Variants in PDSS2 observed in about 807,000 individuals in gnomAD.
PDSS2 encodes all trans-polyprenyl-diphosphate synthase PDSS2.
Under a neutral mutation model 44.5 loss-of-function variants are expected in PDSS2, and 31 were observed. The ratio of observed to expected loss-of-function variants is 0.70; its 90% CI spans 0.52 to 0.94. The LOEUF (loss-of-function observed/expected upper bound fraction) is 0.94. Ranked by LOEUF, PDSS2 falls within the 40% of genes least tolerant of loss-of-function variation. PDSS2 has a pLI of 0.00. For synonymous variants in PDSS2, 157 were observed against 180.3 expected, an observed-to-expected ratio of 0.87 and a Z score of 1.03; for missense variants, 452 against 482.2, an observed-to-expected ratio of 0.94 and a Z score of 0.59.
chr6:107,431,487 G>A (rs556079804), intron 1 of PDSS2, among the ~76,000 whole-genome samples: 2 of 152,182 alleles, frequency 1.3e-5, no homozygotes, highest in South Asian at 2.1e-4. Flanking sequence ...GGGCTCATGC[G>A]AACCTGCTGC....
intron 7 of PDSS2, among the ~76,000 whole-genome samples, chr6:107,179,526 G>C (rs199923114): frequency 1.7e-5 from 1 of 59,842 alleles, no homozygotes; most frequent in Non-Finnish European, 3.7e-5. Context: ...TGATTCGCCC[G>C]CCTCGGCCTT....
At chr6:107,333,451 T>A (rs564235413) in intron 2 of PDSS2, among the ~76,000 whole-genome samples, 2 of 152,306 alleles carry the variant, frequency 1.3e-5, no homozygotes, top group Admixed American at 1.3e-4. Flanking sequence ...GATGTAAAAA[T>A]TTTTTAATCC....
intron 2 of PDSS2, among the ~76,000 whole-genome samples, chr6:107,304,833 G>T (rs915183775): frequency 6.6e-6 from 1 of 151,940 alleles, no homozygotes; most frequent in Non-Finnish European, 1.5e-5. Context: ...CTGAACCTGT[G>T]GTGACAGGGA....
intron 4 of PDSS2, among the ~76,000 whole-genome samples, chr6:107,225,425 A>G (rs950761564): frequency 2.0e-5 from 3 of 151,678 alleles, no homozygotes; most frequent in Non-Finnish European, 4.4e-5. Flanking sequence ...TGCTGAGATT[A>G]CAAGTGTGAG....
intron 2 of PDSS2, among the ~76,000 whole-genome samples, chr6:107,290,875 C>T (rs567295823): frequency 2.6e-5 from 4 of 152,182 alleles, no homozygotes; most frequent in African/African-American, 9.6e-5. Context: ...TTTTTCCCCC[C>T]ACTTGTTTGT....
chr6:107,214,404 T>A (rs1483642000), intron 4 of PDSS2, among the ~76,000 whole-genome samples: 2 of 152,194 alleles, frequency 1.3e-5, no homozygotes, highest in Admixed American at 6.5e-5. Flanking sequence ...ACACTTTTTT[T>A]ATACTAAGTT....
chr6:107,437,126 A>G lies in PDSS2; in HGVS notation c.296+21864T>C, dbSNP rs1028536357. ...GCCATTCTCCCACCTCAGCCTCCTGAGCAGTTGAGATTACAGGTGTGTGCC... is the reference window on the plus strand; with the variant it reads ...GCCATTCTCCCACCTCAGCCTCCTGGGCAGTTGAGATTACAGGTGTGTGCC... On this transcript the variant is annotated intron_variant, in intron 1 of 7. Coordinates refer to ENST00000369037, the MANE Select transcript of PDSS2 (RefSeq NM_020381.4). Among the ~76,000 whole-genome samples the G allele has an allele frequency of 5.3e-5, 8 of 152,104 alleles. No homozygotes were observed. The East Asian group carries it at 9.6e-4, about 18-fold the overall frequency.
intron 6 of PDSS2, among the ~76,000 whole-genome samples, chr6:107,202,059 G>C (rs1241335228): frequency 1.3e-5 from 2 of 152,176 alleles, no homozygotes; most frequent in Non-Finnish European, 2.9e-5. Flanking sequence ...TTGTTTGTCT[G>C]ACAGGGTCTC....
intron 1 of PDSS2, among the ~76,000 whole-genome samples, chr6:107,405,042 T>C (rs1780266665): frequency 6.6e-6 from 1 of 152,008 alleles, no homozygotes; most frequent in Admixed American, 6.6e-5. Flanking sequence ...AGAAAGTATC[T>C]AGTCACTTAT....
intron 7 of PDSS2, among the ~76,000 whole-genome samples, chr6:107,186,658 G>A (rs1249299577): frequency 6.6e-6 from 1 of 151,638 alleles, no homozygotes; most frequent in African/African-American, 2.4e-5. Context: ...CCCTCCCTGT[G>A]TCCATGTGTT....
chr6:107,459,507 C>G lies in PDSS2; in HGVS notation c.-222G>C, dbSNP rs1446708123. On this transcript the variant is annotated 5_prime_UTR_variant, in exon 1 of 8. Transcript: ENST00000369037. This position sits in a 1 kb window ranked among gnomAD's most constrained non-coding sequence, Gnocchi z 4.3. ...AGTCCCAGCTCAGCACTGCCCCCGGCCACCCGGGGTAGAAACCACAGCCAC... is the reference window on the plus strand; with the variant it reads ...AGTCCCAGCTCAGCACTGCCCCCGGGCACCCGGGGTAGAAACCACAGCCAC... The G allele has an allele frequency of 5.2e-6, 3 of 578,466 alleles. No homozygotes were observed. Among genetic ancestry groups the G allele is most frequent in the Non-Finnish European group, 9.2e-6 (3 of 325,222 alleles). The allele number at this position is 578,466 out of a possible 1,614,324, so 35.8% of individuals were successfully genotyped here.
intron 1 of PDSS2, among the ~76,000 whole-genome samples, chr6:107,364,996 C>T (rs559249963): frequency 1.7e-3 from 265 of 152,110 alleles, no homozygotes; most frequent in Non-Finnish European, 3.0e-3. Context: ...GCAAAACTTT[C>T]CTTCAAAAAT....
At chr6:107,236,154 A>G (rs1011353124) in intron 4 of PDSS2, among the ~76,000 whole-genome samples, 2 of 152,234 alleles carry the variant, frequency 1.3e-5, no homozygotes, top group Non-Finnish European at 1.5e-5. Flanking sequence ...TGACTACAGG[A>G]ACAAAGATAA....
At chr6:107,306,421 A>T (rs1764563711) in intron 2 of PDSS2, among the ~76,000 whole-genome samples, 1 of 152,218 alleles carries the variant, frequency 6.6e-6, no homozygotes, top group African/African-American at 2.4e-5. Context: ...GCCTTCTGCC[A>T]TGATTGTGAG....
In PDSS2 at chr6:107,154,235, TG is replaced by T. The variant is rs1554245076; in HGVS notation, c.*383del. 1 of 289,220 alleles carries T rather than the reference TG, an allele frequency of 3.5e-6. No individual in the cohort carries two copies. The highest frequency in any genetic ancestry group is 6.6e-6 in the Non-Finnish European group (1 of 150,664). The allele number at this position is 289,220 out of a possible 1,614,324, so 17.9% of individuals were successfully genotyped here. On this transcript the variant is annotated 3_prime_UTR_variant, in exon 8 of 8. Coordinates refer to ENST00000369037, the MANE Select transcript of PDSS2 (RefSeq NM_020381.4). ...TATTGAGAGCATTTCTCTTGACACC[TG>T]CAGCTTCCAACTTGCTTTGTCCTCT...
At chr6:107,251,678 T>C (rs1177538260) in intron 3 of PDSS2, among the ~76,000 whole-genome samples, 1 of 152,214 alleles carries the variant, frequency 6.6e-6, no homozygotes, top group Non-Finnish European at 1.5e-5. Flanking sequence ...ATTTAGTCTC[T>C]TTTGAAAGAG....
intron 2 of PDSS2, among the ~76,000 whole-genome samples, chr6:107,330,546 G>A (rs966087064): frequency 4.0e-5 from 6 of 151,888 alleles, no homozygotes; most frequent in Non-Finnish European, 7.4e-5. Context: ...AAATATTCAC[G>A]TGAATTTCTG....
chr6:107,390,739 A>AT, intron 1 of PDSS2, among the ~76,000 whole-genome samples: 1 of 152,294 alleles, frequency 6.6e-6, no homozygotes, highest in Non-Finnish European at 1.5e-5. Context: ...CAACTTTTCC[A>AT]TAAATCTAAC....
intron 6 of PDSS2, chr6:107,198,033 T>C: frequency 2.4e-6 from 1 of 414,366 alleles, no homozygotes; most frequent in South Asian, 1.8e-5. Context: ...TAATATTCTT[T>C]ACTGATAAGG....
Sources: allele counts gnomAD v4.1 joint callset (sites outside exome capture counted in the v4.1 genomes callset), GRCh38; gene constraint gnomAD v4.1.1; non-coding constraint Gnocchi (gnomAD v3.1); transcripts MANE v1.5; gene names NCBI Gene and HGNC (gene_info 2026-07-23, HGNC 2026-07-21).